Variants in ATP9A observed in about 807,000 individuals in gnomAD.
The protein encoded by ATP9A is probable phospholipid-transporting ATPase IIA.
In ATP9A, 52 loss-of-function variants were observed where a neutral mutation model predicts 144.1. The observed-to-expected ratio is 0.36, with a 90% confidence interval of 0.29 to 0.45. ATP9A has a LOEUF of 0.45. ATP9A is among the 20% of genes least tolerant of loss of function. The pLI is 1.00. For missense variants in ATP9A, 947 were observed against 1,392.7 expected (o/e 0.68, Z 5.09); for synonymous variants, 582 against 557.4 (o/e 1.04, Z -0.62).
chr20:51,616,618 C>A (rs2077203905), intron 22 of ATP9A, among the ~76,000 whole-genome samples: 1 of 152,174 alleles, frequency 6.6e-6, no homozygotes, highest in Non-Finnish European at 1.5e-5. Context: ...CGCTTCCAGC[C>A]CTTCACACAC....
In ATP9A at chr20:51,613,769, A is replaced by G; in HGVS notation, c.2479T>C (p.Leu827=). The change falls in exon 23 of 28, where the codon TTG becomes CTG. Residue 827 remains leucine (L), a synonymous_variant. Coordinates refer to ENST00000338821, the MANE Select transcript of ATP9A (RefSeq NM_006045.3). ...CTGTTCCGGCCATGCACCATAAGCA[A>G]CCGGCCAAGATGCTTAAATTGAGTG... The part of the protein sequence containing the change: ...SITQFKHLGR[L]LMVHGRNSYK... The G allele has an allele frequency of 6.2e-7, 1 of 1,614,166 alleles. No individual in the cohort carries two copies. Among genetic ancestry groups the G allele is most frequent in the East Asian group, 2.2e-5 (1 of 44,882 alleles).
chr20:51,766,523 T>C (rs2122928769), intron 1 of ATP9A, among the ~76,000 whole-genome samples: 1 of 152,248 alleles, frequency 6.6e-6, no homozygotes, highest in Middle Eastern at 3.4e-3. Flanking sequence ...GTTCCAGGCA[T>C]AGTGTTCAAG....
chr20:51,764,537 C>T (rs2077895445), intron 1 of ATP9A, among the ~76,000 whole-genome samples: 1 of 152,200 alleles, frequency 6.6e-6, no homozygotes, highest in Non-Finnish European at 1.5e-5. Context: ...TGCATTCTGT[C>T]CCCTATGACA....
intron 21 of ATP9A, 110 bp downstream of exon 21, chr20:51,618,552 G>A: frequency 7.0e-7 from 1 of 1,435,324 alleles, no homozygotes; most frequent in Non-Finnish European, 9.3e-7. Flanking sequence ...CCTGAACAAA[G>A]GGGCCTGGGG....
At chr20:51,765,059 T>C (rs777713098) in intron 1 of ATP9A, among the ~76,000 whole-genome samples, 3 of 152,148 alleles carry the variant, frequency 2.0e-5, no homozygotes, top group African/African-American at 7.2e-5. Context: ...CTCACATGGT[T>C]GTTGTAAGGA....
In ATP9A at chr20:51,653,407, A is replaced by G. The variant is rs568417207; in HGVS notation, c.1506+3531T>C. On this transcript the variant is annotated intron_variant, in intron 14 of 27. Coordinates refer to ENST00000338821, the MANE Select transcript of ATP9A (RefSeq NM_006045.3). ...GGGAGCAGAGGAGTGGGCAACGGGC[A>G]TTAAAGCCTCCAGAGATGCCAACAG... Among the ~76,000 whole-genome samples the G allele has an allele frequency of 2.6e-5, 4 of 152,296 alleles. No individual in the cohort carries two copies. In the East Asian group the frequency reaches 5.8e-4, roughly 22 times the overall value.
chr20:51,676,320 T>C, intron 9 of ATP9A, 112 bp from the exon 10 acceptor site: 3 of 771,690 alleles, frequency 3.9e-6, no homozygotes, highest in Non-Finnish European at 6.0e-6. Context: ...TTTTTTTTTT[T>C]GAGACAGAGT....
chr20:51,625,186 C>A lies in ATP9A; in HGVS notation c.2016+6G>T, dbSNP rs1453626117. 4 of 1,608,448 alleles carry A rather than the reference C, an allele frequency of 2.5e-6. No homozygotes were observed. Among genetic ancestry groups the A allele is most frequent in the African/African-American group, 1.3e-5 (1 of 74,880 alleles). On this transcript the variant is annotated splice_donor_region_variant and intron_variant, in intron 18 of 27. Transcript: ENST00000338821. ...AGTGCCCTTCCCTGCGGGCAGCCCG[C>A]CCTACCTTGATGCCAGCATTCCTCA...
At chr20:51,767,902 G>A (rs1248500834) in intron 1 of ATP9A, among the ~76,000 whole-genome samples, 2 of 152,178 alleles carry the variant, frequency 1.3e-5, no homozygotes, top group African/African-American at 4.8e-5. Flanking sequence ...CAAGCGCAGA[G>A]CTCGGTGTGA....
At chr20:51,741,629 A>G (rs2077785708) in intron 1 of ATP9A, among the ~76,000 whole-genome samples, 1 of 151,940 alleles carries the variant, frequency 6.6e-6, no homozygotes, top group African/African-American at 2.4e-5. Context: ...ATGGAGGGAA[A>G]CTCGCCTGAA....
chr20:51,684,736 C>T (rs942123771), intron 9 of ATP9A, among the ~76,000 whole-genome samples: 2 of 147,904 alleles, frequency 1.4e-5, no homozygotes, highest in East Asian at 4.0e-4. Context: ...CAGGCCTGGG[C>T]GCGGTGGCTC....
At position 51,638,071 on chromosome 20, in the gene ATP9A, TTATATATATATATATA is replaced by T. The variant is rs56043552; in HGVS notation, c.1668+1256_1668+1271del. Reference sequence around the variant, plus strand: ...CATGGCTAAGTAGCATTTCATCATTTTATATATATATATATATATATATATATATATATATATATAT... The same window carrying T: ...CATGGCTAAGTAGCATTTCATCATTTTATATATATATATATATATATATAT... On this transcript the variant is annotated intron_variant, in intron 15 of 27. Coordinates refer to ENST00000338821, the MANE Select transcript of ATP9A (RefSeq NM_006045.3). Among the ~76,000 whole-genome samples, 327 of 34,182 alleles carry T rather than the reference TTATATATATATATATA, an allele frequency of 9.6e-3. 3 individuals are homozygous for T. Among genetic ancestry groups the T allele is most frequent in the African/African-American group, 0.022 (251 of 11,626 alleles). 22.4% of individuals were successfully genotyped at this position (34,182 alleles called of 152,430 possible). A position where few individuals can be genotyped will look rare whatever the true frequency, so the allele number is the denominator to read the frequency against.
intron 4 of ATP9A, among the ~76,000 whole-genome samples, chr20:51,700,974 T>C (rs1275651196): frequency 6.6e-6 from 1 of 152,154 alleles, no homozygotes; most frequent in African/African-American, 2.4e-5. Context: ...ACCTGTCGTT[T>C]TTCTGGGAGC....
At chr20:51,619,155 C>A in intron 19 of ATP9A, 112 bp from the exon 20 acceptor site, 1 of 786,976 alleles carries the variant, frequency 1.3e-6, no homozygotes, top group Non-Finnish European at 2.1e-6. Flanking sequence ...AGCCAAGGGT[C>A]CCTCCCCTCC....
chr20:51,736,107 AG>A (rs2077761626), intron 1 of ATP9A, among the ~76,000 whole-genome samples: 2 of 152,250 alleles, frequency 1.3e-5, no homozygotes, highest in South Asian at 4.1e-4. Context: ...CACCCATACA[AG>A]GAAGTGCAAT....
At chr20:51,691,565 A>C (rs1050531946) in intron 7 of ATP9A, among the ~76,000 whole-genome samples, 18 of 152,180 alleles carry the variant, frequency 1.2e-4, no homozygotes, top group African/African-American at 4.1e-4. Flanking sequence ...AACGCCTCCC[A>C]CCCGTAAGGA....
intron 4 of ATP9A, among the ~76,000 whole-genome samples, chr20:51,700,966 C>G (rs1266401869): frequency 6.6e-6 from 1 of 152,124 alleles, no homozygotes; most frequent in Non-Finnish European, 1.5e-5. Flanking sequence ...GAACACAGAC[C>G]TGTCGTTTTT....
chr20:51,712,970 T>C lies in ATP9A; in HGVS notation c.432A>G (p.Ala144=), dbSNP rs367914650. The C allele has an allele frequency of 2.5e-5, 40 of 1,608,958 alleles. No homozygotes were observed. Among genetic ancestry groups the C allele is most frequent in the South Asian group, 2.0e-4 (18 of 89,922 alleles). The change falls in exon 4 of 28, where the codon GCA becomes GCG. Residue 144 remains alanine, a synonymous_variant. Coordinates refer to ENST00000338821, the MANE Select transcript of ATP9A (RefSeq NM_006045.3). ...CCCAGGAGCCAGAAGGCTGACCTCG[T>C]GCTGTGAGCCGGCTGTAGACCTGGG... ...VNSQVYSRLT[A]RGTVKVKSSN...
intron 9 of ATP9A, among the ~76,000 whole-genome samples, chr20:51,683,927 G>A (rs2077511247): frequency 6.6e-6 from 1 of 152,070 alleles, no homozygotes. Flanking sequence ...TAATTTTAGA[G>A]CAGGGAAAAT....
Sources: gnomAD v4.1 joint callset for allele counts (sites outside exome capture counted in the v4.1 genomes callset) on GRCh38, gnomAD v4.1.1 for gene constraint, MANE v1.5 for transcripts, NCBI Gene and HGNC (gene_info 2026-07-23, HGNC 2026-07-21) for gene names.